KATNIP: variants seen among roughly 807,000 people sequenced by gnomAD.
KATNIP encodes the protein katanin interacting protein.
A neutral mutation model predicts 174.0 loss-of-function variants in KATNIP; 126 were observed. The ratio of observed to expected loss-of-function variants is 0.72; its 90% CI spans 0.63 to 0.84. The LOEUF is 0.84. KATNIP is among the 40% of genes least tolerant of loss of function. The probability of loss-of-function intolerance (pLI) is 0.00; values close to 1 mark genes in which losing one functional copy is unlikely to be tolerated. For synonymous variants in KATNIP, 810 were observed against 835.7 expected (o/e 0.97, Z 0.53); for missense variants, 1,958 against 2,109.7 (o/e 0.93, Z 1.41).
rs942770705 is a variant in KATNIP, at chr16:27,550,258, G to C, written c.7+81G>C. 5.3e-6 allele frequency: 8 copies of C among 1,510,852 alleles called. No individual in the cohort carries two copies. In the South Asian group the frequency reaches 8.4e-5, roughly 16 times the overall value. The allele number at this position is 1,510,852 out of a possible 1,614,324, so 93.6% of individuals were successfully genotyped here. A position where few individuals can be genotyped will look rare whatever the true frequency, so the allele number is the denominator to read the frequency against. On this transcript the variant is annotated intron_variant, in intron 1 of 27. Coordinates refer to ENST00000261588, the MANE Select transcript of KATNIP (RefSeq NM_015202.5). Reference sequence around the variant, plus strand: ...GACCGCGCTTTGGGCAGAATCCTAGGCCATGAACCCCTGGACCACCACTTC... The same window carrying C: ...GACCGCGCTTTGGGCAGAATCCTAGCCCATGAACCCCTGGACCACCACTTC...
intron 1 of KATNIP, among the ~76,000 whole-genome samples, chr16:27,554,871 G>T (rs2089548379): frequency 7.0e-6 from 1 of 141,992 alleles, no homozygotes; most frequent in African/African-American, 2.6e-5. Context: ...TTGGCTCACT[G>T]CAACCTCTGC....
At chr16:27,640,203 C>T (rs2076751093) in intron 5 of KATNIP, among the ~76,000 whole-genome samples, 2 of 152,230 alleles carry the variant, frequency 1.3e-5, no homozygotes, top group Admixed American at 1.3e-4. Flanking sequence ...TTAAATCCTC[C>T]TCCCCCATAT....
At chr16:27,631,738 C>T (rs2076497643) in intron 5 of KATNIP, among the ~76,000 whole-genome samples, 1 of 152,092 alleles carries the variant, frequency 6.6e-6, no homozygotes, top group Non-Finnish European at 1.5e-5. Context: ...ATGACTCATT[C>T]ATTCAGCTAT....
At chr16:27,632,394 T>A (rs2076516855) in intron 5 of KATNIP, 1 of 305,472 alleles carries the variant, frequency 3.3e-6, no homozygotes, top group Non-Finnish European at 6.8e-6. Flanking sequence ...TTCAGTAAGC[T>A]GTAGGAGGAG....
In KATNIP at chr16:27,684,219, T is replaced by C. The variant is rs2078444701; in HGVS notation, c.940+2689T>C. Among the ~76,000 whole-genome samples the C allele has an allele frequency of 2.6e-5, 4 of 152,124 alleles. No individual in the cohort carries two copies. In the South Asian group the frequency reaches 8.3e-4, roughly 32 times the overall value. ...GGTACTGCTATTATCAATATTATTG[T>C]ACAGAGGAGATGGAGGCACAGAGAG... On this transcript the variant is annotated intron_variant, in intron 8 of 27. Coordinates refer to ENST00000261588, the MANE Select transcript of KATNIP (RefSeq NM_015202.5).
chr16:27,602,823 C>T (rs1160165748), intron 2 of KATNIP, among the ~76,000 whole-genome samples: 1 of 152,078 alleles, frequency 6.6e-6, no homozygotes, highest in Non-Finnish European at 1.5e-5. Context: ...CTCAGCCTCC[C>T]GAGTAGCTGT....
chr16:27,701,311 T>C (rs2079090259), intron 10 of KATNIP: 2 of 280,396 alleles, frequency 7.1e-6, no homozygotes, highest in African/African-American at 2.1e-5. Flanking sequence ...GCATGAACCA[T>C]TGCGTCTGGC....
chr16:27,701,418 G>C (rs2079093824), intron 10 of KATNIP, 171 bp from the exon 11 acceptor site: 1 of 569,884 alleles, frequency 1.8e-6, no homozygotes, highest in South Asian at 2.4e-5. Flanking sequence ...GATGGTGTGA[G>C]GGGTTCTAGA....
rs1206088124 is a variant in KATNIP at position 27,750,119 on chromosome 16, G to A, written c.3159G>A (p.Thr1053=). The change falls in exon 16 of 28, where the codon ACG becomes ACA. Residue 1053 remains threonine, a synonymous_variant. Coordinates refer to ENST00000261588, the MANE Select transcript of KATNIP (RefSeq NM_015202.5). ...DDMHVWLAPF[T]RGRSHSITID... is the part of the protein sequence containing the mutation. ...TGCATGTCTGGCTGGCCCCCTTCAC[G>A]CGGGGCAGATCCCACTCCATCACCA... 14 of 1,613,982 alleles carry A rather than the reference G, an allele frequency of 8.7e-6. No homozygotes were observed. Among genetic ancestry groups the A allele is most frequent in the South Asian group, 6.6e-5 (6 of 91,074 alleles).
At chr16:27,598,140 C>T (rs1005489381) in intron 2 of KATNIP, among the ~76,000 whole-genome samples, 6 of 151,772 alleles carry the variant, frequency 4.0e-5, no homozygotes, top group African/African-American at 1.5e-4. Flanking sequence ...ACTTAGGAGG[C>T]TGAGGCGGAA....
At chr16:27,715,703 G>A (rs2079902099) in intron 13 of KATNIP, among the ~76,000 whole-genome samples, 1 of 152,144 alleles carries the variant, frequency 6.6e-6, no homozygotes, top group Admixed American at 6.6e-5. Flanking sequence ...AACATCATAA[G>A]TTGTTAGGGA....
Position 27,628,829 on chromosome 16 carries a change from CG to C in KATNIP, c.310+1del. ...RSASHTEGTH[D>X]YGRRTLFREA... ...GTGCCTCCCACACGGAGGGGACACACGGTGAGCACAGGCCCTCCAGGCTGAG... is the reference window on the plus strand; with the variant it reads ...GTGCCTCCCACACGGAGGGGACACACGTGAGCACAGGCCCTCCAGGCTGAG... On this transcript the variant is annotated frameshift_variant and splice_region_variant, in exon 4 of 28. Transcript: ENST00000261588. LOFTEE classifies it high-confidence loss of function. 5 of 1,613,958 alleles carry C rather than the reference CG, an allele frequency of 3.1e-6. No individual in the cohort carries two copies. Among genetic ancestry groups the C allele is most frequent in the Non-Finnish European group, 4.2e-6 (5 of 1,179,966 alleles).
rs538757321 is a variant in KATNIP at position 27,717,029 on chromosome 16, A to G, written c.1606-4529A>G. On this transcript the variant is annotated intron_variant, in intron 13 of 27. Transcript: ENST00000261588. ...CGGCTAATTTTTGTATTTTTAGTAG[A>G]GACAGGGTTTCACTATGTTGGCCCG... Among the ~76,000 whole-genome samples, 34 of 152,108 alleles carry G rather than the reference A, an allele frequency of 2.2e-4. No individual in the cohort carries two copies. In the South Asian group the frequency reaches 5.4e-3, roughly 24 times the overall value.
intron 1 of KATNIP, among the ~76,000 whole-genome samples, chr16:27,562,889 G>A (rs569345141): frequency 6.6e-6 from 1 of 152,316 alleles, no homozygotes; most frequent in South Asian, 2.1e-4. Context: ...CACCATCCCA[G>A]AAAGAGCAGG....
intron 16 of KATNIP, 30 bp from the exon 17 acceptor site, chr16:27,751,689 G>A (rs965743312): frequency 2.5e-6 from 4 of 1,607,464 alleles, no homozygotes; most frequent in East Asian, 4.5e-5. Context: ...GAAGTGAGTT[G>A]ACCTTTCTGT....
intron 10 of KATNIP, among the ~76,000 whole-genome samples, chr16:27,701,105 T>G (rs2079082785): frequency 6.6e-6 from 1 of 152,228 alleles, no homozygotes; most frequent in African/African-American, 2.4e-5. Flanking sequence ...TAGAGTCTGC[T>G]TACTTTGTAC....
chr16:27,634,284 G>A (rs1345298131), intron 5 of KATNIP, among the ~76,000 whole-genome samples: 1 of 152,154 alleles, frequency 6.6e-6, no homozygotes, highest in South Asian at 2.1e-4. Context: ...GTATCAGTCA[G>A]GGGTCAGTCA....
In KATNIP at chr16:27,709,433, C is replaced by A. The variant is rs540855096; in HGVS notation, c.1605+513C>A. ...AGTCAGGAGTTCAATACCAGCCTGG[C>A]CAACATGGTGAAACCCCATCTCTAC... On this transcript the variant is annotated intron_variant, in intron 13 of 27. Transcript: ENST00000261588. Among the ~76,000 whole-genome samples the A allele has an allele frequency of 3.9e-5, 6 of 152,032 alleles. No individual in the cohort carries two copies. In the South Asian group the frequency reaches 1.3e-3, roughly 32 times the overall value.
chr16:27,754,455 AG>A (rs879691086), intron 18 of KATNIP: 3 of 575,468 alleles, frequency 5.2e-6, no homozygotes, highest in African/African-American at 1.9e-5. Context: ...ACTCCAGAGG[AG>A]GGGCATCTCT....
Sources: gnomAD v4.1 joint callset for allele counts (sites outside exome capture counted in the v4.1 genomes callset) on GRCh38, gnomAD v4.1.1 for gene constraint, MANE v1.5 for transcripts, NCBI Gene and HGNC (gene_info 2026-07-23, HGNC 2026-07-21) for gene names.